NME9: variants seen among roughly 807,000 people sequenced by gnomAD.
The protein encoded by NME9 is NME/NM23 family member 9.
Under a neutral mutation model 44.4 loss-of-function variants are expected in NME9, and 48 were observed. The observed-to-expected ratio is 1.08, with a 90% CI of 0.86 to 1.37. The LOEUF is 1.37. Among genes scored for constraint, NME9 ranks in the 40% most tolerant of loss-of-function variants. NME9 has a pLI of 0.00. For synonymous variants in NME9, 139 were observed against 147.1 expected (o/e 0.94, Z 0.40); for missense variants, 325 against 405.2 (o/e 0.80, Z 1.70).
At chr3:138,296,853 C>T (rs1577093110), downstream of NME9, 1 of 152,152 alleles carries the variant, frequency 6.6e-6, no homozygotes, top group Non-Finnish European at 1.5e-5. Context: ...CTCCCAATTG[C>T]CCTAACTCCT....
intron 4 of NME9, among the ~76,000 whole-genome samples, chr3:138,316,701 G>A (rs747090367): frequency 6.6e-6 from 1 of 151,580 alleles, no homozygotes; most frequent in Non-Finnish European, 1.5e-5. Flanking sequence ...TGCAACCTCC[G>A]CCTCCTGGGT....
chr3:138,315,673 C>T (rs2053025327), intron 4 of NME9, 30 bp from the exon 5 acceptor site: 2 of 1,465,246 alleles, frequency 1.4e-6, no homozygotes, highest in Non-Finnish European at 1.8e-6. Flanking sequence ...GCATGAAATA[C>T]TCTTGGCAAA....
In NME9 at chr3:138,329,347, G is replaced by T; in HGVS notation, c.-12C>A. 1 of 1,536,068 alleles carries T rather than the reference G, an allele frequency of 6.5e-7. No homozygotes were observed. The highest frequency in any genetic ancestry group is 8.7e-7 in the Non-Finnish European group (1 of 1,146,860). ...TTCCTGCTGCCCATGGCTCTGCAAA[G>T]AAGACGAAGCCCTGTTACCGCGGCC... On this transcript the variant is annotated 5_prime_UTR_variant, in exon 1 of 11. Transcript: ENST00000333911.
At chr3:138,277,481 A>G (rs1364839374) in intron 8 of NME9, among the ~76,000 whole-genome samples, 1 of 152,248 alleles carries the variant, frequency 6.6e-6, no homozygotes, top group South Asian at 2.1e-4. Flanking sequence ...ACCGGAAGGA[A>G]TATTTGTGGA....
chr3:138,301,924 T>G (rs1424118944), intron 10 of NME9, among the ~76,000 whole-genome samples: 1 of 152,260 alleles, frequency 6.6e-6, no homozygotes, highest in African/African-American at 2.4e-5. Flanking sequence ...CTTTACATCC[T>G]GTCTTTCATC....
downstream of NME9, chr3:138,297,681 A>C (rs2108416820): frequency 6.6e-6 from 1 of 152,372 alleles, no homozygotes; most frequent in East Asian, 1.9e-4. Flanking sequence ...CACCGATTTT[A>C]AAATCTGTCA....
rs140016100 is a variant in NME9 at position 138,274,397 on chromosome 3, G to A, written c.746-11811C>T. 302 of 1,226,682 alleles carry A rather than the reference G, an allele frequency of 2.5e-4. 1 individual carries two copies. In the African/African-American group the frequency reaches 2.7e-3, roughly 11 times the overall value. The allele number at this position is 1,226,682 out of a possible 1,614,324, so 76.0% of individuals were successfully genotyped here. The stretch of plus-strand genomic sequence containing the variant: ...TTTAACTTTTAGAAGCCTTGTATTC[G>A]TCCTGTGGTCTTTGTTTCTTTGATA... On this transcript the variant is annotated intron_variant, in intron 8 of 8. Coordinates refer to the NME9 transcript ENST00000317876.
At chr3:138,320,331 C>A (rs1355744644) in intron 2 of NME9, among the ~76,000 whole-genome samples, 1 of 152,202 alleles carries the variant, frequency 6.6e-6, no homozygotes, top group Non-Finnish European at 1.5e-5. Flanking sequence ...TGGTGACATA[C>A]CAGTGGCCAT....
chr3:138,294,707 G>A (rs1297223098), intron 8 of NME9, among the ~76,000 whole-genome samples: 2 of 152,056 alleles, frequency 1.3e-5, no homozygotes, highest in Non-Finnish European at 2.9e-5. Context: ...AGAGACCATT[G>A]CTGAAACCTG....
chr3:138,297,698 G>T (rs1412803573), downstream of NME9: 1 of 152,148 alleles, frequency 6.6e-6, no homozygotes, highest in Non-Finnish European at 1.5e-5. Flanking sequence ...GTCACAACAG[G>T]ACTTGGTTTT....
intron 6 of NME9, among the ~76,000 whole-genome samples, chr3:138,310,739 A>G (rs937045200): frequency 2.0e-5 from 3 of 152,222 alleles, no homozygotes; most frequent in Non-Finnish European, 4.4e-5. Context: ...TACACATCCA[A>G]AATCTACAGG....
intron 8 of NME9, among the ~76,000 whole-genome samples, chr3:138,293,030 T>G (rs376631795): frequency 6.6e-6 from 1 of 152,170 alleles, no homozygotes; most frequent in African/African-American, 2.4e-5. Context: ...TGACCCACTC[T>G]CCACCCTCCC....
intron 8 of NME9, among the ~76,000 whole-genome samples, chr3:138,273,986 T>G (rs1192666793): frequency 6.6e-6 from 1 of 152,032 alleles, no homozygotes; most frequent in Non-Finnish European, 1.5e-5. Context: ...CCAGCTAATT[T>G]TTTGTATTTG....
chr3:138,325,796 A>ATT (rs35102089), intron 1 of NME9, among the ~76,000 whole-genome samples: 101 of 140,314 alleles, frequency 7.2e-4, no homozygotes, highest in African/African-American at 2.1e-3. Context: ...AGATTTAGGG[A>ATT]TTTTTTTTTT....
intron 8 of NME9, among the ~76,000 whole-genome samples, chr3:138,273,659 A>C (rs1257158563): frequency 6.6e-6 from 1 of 152,184 alleles, no homozygotes; most frequent in Non-Finnish European, 1.5e-5. Flanking sequence ...AAACAATGCA[A>C]GTGGCCTTCA....
chr3:138,278,456 A>G (rs141469065), intron 8 of NME9, among the ~76,000 whole-genome samples: 1,622 of 151,732 alleles, frequency 0.011, 35 homozygotes, highest in African/African-American at 0.036. Context: ...GTAAGCCGAG[A>G]TCACACCACT....
chr3:138,264,308 AT>A, intron 8 of NME9: 1 of 837,800 alleles, frequency 1.2e-6, no homozygotes, highest in Non-Finnish European at 1.9e-6. Context: ...AGTATGTCTG[AT>A]TTTTGTGTAG....
At chr3:138,270,383 A>T (rs977442206) in intron 8 of NME9, among the ~76,000 whole-genome samples, 123 of 152,316 alleles carry the variant, frequency 8.1e-4, no homozygotes, top group Non-Finnish European at 3.7e-4. Flanking sequence ...AACTTAGCTA[A>T]TTCTGGGAAA....
downstream of NME9, chr3:138,298,137 A>G (rs1222759682): frequency 6.6e-6 from 1 of 152,252 alleles, no homozygotes; most frequent in African/African-American, 2.4e-5. Flanking sequence ...GGAAGAGTGG[A>G]CATGGTATTG....
Sources: gnomAD v4.1 joint callset for allele counts (sites outside exome capture counted in the v4.1 genomes callset) on GRCh38, gnomAD v4.1.1 for gene constraint, MANE v1.5 for transcripts, NCBI Gene and HGNC (gene_info 2026-07-23, HGNC 2026-07-21) for gene names.